The following HNF4A variants were observed in gnomAD, a reference collection of about 807,000 sequenced individuals.
HNF4A encodes the protein hepatocyte nuclear factor 4 alpha.
In HNF4A, 15 loss-of-function variants were observed where a neutral mutation model predicts 52.4. The ratio of observed to expected loss-of-function variants is 0.29; its 90% CI spans 0.19 to 0.44. HNF4A has a LOEUF of 0.44. Among genes scored for constraint, HNF4A ranks in the 20% least tolerant of loss-of-function variants. HNF4A has a pLI of 1.00. For synonymous variants in HNF4A, 280 were observed against 264.4 expected (o/e 1.06, Z -0.57); for missense variants, 479 against 647.2 (o/e 0.74, Z 2.82).
intron 1 of HNF4A, among the ~76,000 whole-genome samples, chr20:44,375,850 G>T (rs1367021682): frequency 6.6e-6 from 1 of 152,180 alleles, no homozygotes; most frequent in Non-Finnish European, 1.5e-5. Flanking sequence ...CCCTGAATTA[G>T]TTTCAAGAGT....
intron 1 of HNF4A, among the ~76,000 whole-genome samples, chr20:44,382,479 C>T (rs959329911): frequency 4.6e-5 from 7 of 152,086 alleles, no homozygotes; most frequent in East Asian, 1.9e-4. Flanking sequence ...CCTCGTGATC[C>T]GCCCGCCTTG....
chr20:44,371,034 A>G (rs2063028249), intron 1 of HNF4A, among the ~76,000 whole-genome samples: 1 of 152,190 alleles, frequency 6.6e-6, no homozygotes, highest in Non-Finnish European at 1.5e-5. Context: ...AGACAGGGAG[A>G]GAGCAGGCGG....
chr20:44,424,461 G>C, intron 8 of HNF4A: 1 of 1,012,702 alleles, frequency 9.9e-7, no homozygotes, highest in Non-Finnish European at 1.5e-6. Flanking sequence ...AACCTAGCAC[G>C]TGCCAGTCAC....
chr20:44,376,966 G>A (rs1021045792), intron 1 of HNF4A, among the ~76,000 whole-genome samples: 3 of 151,972 alleles, frequency 2.0e-5, no homozygotes, highest in Non-Finnish European at 4.4e-5. Context: ...TTGGGAGGCC[G>A]AGGCAAGTAG....
At chr20:44,369,494 G>C (rs1485640451) in intron 1 of HNF4A, among the ~76,000 whole-genome samples, 1 of 151,730 alleles carries the variant, frequency 6.6e-6, no homozygotes, top group Non-Finnish European at 1.5e-5. Context: ...ATATTTAAAC[G>C]CTATTTCAAA....
At chr20:44,395,384 TTGCCGAG>T (rs1366620979) in intron 1 of HNF4A, 1 of 152,362 alleles carries the variant, frequency 6.6e-6, no homozygotes, top group East Asian at 1.9e-4. Context: ...ACAGTGGCCT[TTGCCGAG>T]TGCAGAGGGT....
chr20:44,409,836 CTTCTT>C (rs1015707055), intron 3 of HNF4A, among the ~76,000 whole-genome samples: 13 of 64,106 alleles, frequency 2.0e-4, no homozygotes, highest in Middle Eastern at 0.011. Flanking sequence ...TCCCTGGTCC[CTTCTT>C]TTTTTTTTTT....
intron 1 of HNF4A, among the ~76,000 whole-genome samples, chr20:44,387,012 T>G (rs114052011): frequency 0.011 from 1,650 of 152,170 alleles, 31 homozygotes; most frequent in African/African-American, 0.038. Context: ...CTTACTAAAA[T>G]GTATTCCAGG....
intron 1 of HNF4A, among the ~76,000 whole-genome samples, chr20:44,382,550 A>C (rs553270703): frequency 1.3e-5 from 2 of 152,308 alleles, no homozygotes; most frequent in South Asian, 4.1e-4. Context: ...CCTAAGGGGC[A>C]TAGCTTTCTC....
At chr20:44,411,322 A>G (rs2063578055) in intron 3 of HNF4A, among the ~76,000 whole-genome samples, 1 of 152,224 alleles carries the variant, frequency 6.6e-6, no homozygotes, top group South Asian at 2.1e-4. Context: ...TAGAAGTTAC[A>G]TTAGGTCCCC....
chr20:44,382,484 G>A (rs1413147353), intron 1 of HNF4A, among the ~76,000 whole-genome samples: 1 of 151,940 alleles, frequency 6.6e-6, no homozygotes, highest in Non-Finnish European at 1.5e-5. Context: ...TGATCCGCCC[G>A]CCTTGGCCTC....
chr20:44,411,442 G>A (rs2063580287), intron 3 of HNF4A, among the ~76,000 whole-genome samples: 1 of 151,572 alleles, frequency 6.6e-6, no homozygotes, highest in Admixed American at 6.6e-5. Flanking sequence ...CGCAGCTGCT[G>A]ACAGCAGCCC....
At chr20:44,414,420 A>T in intron 4 of HNF4A, 87 bp from the exon 5 acceptor site, 1 of 1,590,928 alleles carries the variant, frequency 6.3e-7, no homozygotes, top group Non-Finnish European at 8.6e-7. Flanking sequence ...CCCACATCTG[A>T]TTCCAGGGAG....
intron 3 of HNF4A, 145 bp downstream of exon 3, chr20:44,407,620 T>C: frequency 1.4e-6 from 1 of 713,842 alleles, no homozygotes; most frequent in South Asian, 1.5e-5. Context: ...AGGGAGGGCC[T>C]GGAAATCTGA....
At position 44,419,887 on chromosome 20, in the gene HNF4A, C is replaced by T. The variant is rs765066730; in HGVS notation, c.892+11C>T. ...TCTTCTTTGACCCAGGTACAGTGCA[C>T]ACCTCCTAAGCCATCCCTGACTCTC... On this transcript the variant is annotated intron_variant, in intron 7 of 9. Transcript: ENST00000316099. The T allele has an allele frequency of 1.9e-6, 3 of 1,613,662 alleles. No homozygotes were observed. Among genetic ancestry groups the T allele is most frequent in the Non-Finnish European group, 2.5e-6 (3 of 1,179,554 alleles).
intron 1 of HNF4A, among the ~76,000 whole-genome samples, chr20:44,388,598 A>G (rs1167292712): frequency 6.6e-6 from 1 of 152,090 alleles, no homozygotes; most frequent in Non-Finnish European, 1.5e-5. Flanking sequence ...ATTTGGAGAG[A>G]CATAGTGCGT....
At chr20:44,410,665 G>A (rs1353279542) in intron 3 of HNF4A, among the ~76,000 whole-genome samples, 1 of 152,092 alleles carries the variant, frequency 6.6e-6, no homozygotes, top group African/African-American at 2.4e-5. Context: ...GAGCTGGAAA[G>A]GTAGGATTTC....
intron 1 of HNF4A, among the ~76,000 whole-genome samples, chr20:44,368,161 T>TATATATATATA (rs71195542): frequency 1.6e-4 from 3 of 18,314 alleles, no homozygotes; most frequent in Non-Finnish European, 2.8e-4. Flanking sequence ...TATATATATA[T>TATATATATATA]TTTTTTTTTT....
intron 4 of HNF4A, 107 bp downstream of exon 4, chr20:44,413,907 G>A (rs1402747796): frequency 1.3e-6 from 1 of 770,352 alleles, no homozygotes; most frequent in Non-Finnish European, 2.2e-6. Flanking sequence ...GCTGACGGGA[G>A]GGGCCTCAGA....
Sources: gnomAD v4.1 joint callset for allele counts (sites outside exome capture counted in the v4.1 genomes callset) on GRCh38, gnomAD v4.1.1 for gene constraint, MANE v1.5 for transcripts, NCBI Gene and HGNC (gene_info 2026-07-23, HGNC 2026-07-21) for gene names.